The following EXOC6B variants were observed in gnomAD, a reference collection of about 807,000 sequenced individuals.
EXOC6B encodes the protein SEC15 homolog B.
Under a neutral mutation model 113.5 loss-of-function variants are expected in EXOC6B, and 54 were observed. That is an observed-to-expected ratio of 0.48 (90% CI 0.38 to 0.60). The LOEUF (loss-of-function observed/expected upper bound fraction) is 0.60, where lower values mean the gene tolerates loss of function less well. EXOC6B is among the 20% of genes least tolerant of loss of function. The probability of loss-of-function intolerance (pLI) is 0.00; values close to 1 mark genes in which losing one functional copy is unlikely to be tolerated. For missense variants in EXOC6B, 797 were observed against 977.5 expected, an observed-to-expected ratio of 0.82 and a Z score of 2.46; for synonymous variants, 357 against 339.0, an observed-to-expected ratio of 1.05 and a Z score of -0.58.
chr2:72,528,987 T>G (rs1701867374), intron 8 of EXOC6B, among the ~76,000 whole-genome samples: 1 of 152,114 alleles, frequency 6.6e-6, no homozygotes. Context: ...GCAGGTTATT[T>G]GCAAATAACA....
chr2:72,753,733 C>A (rs1682209430), intron 1 of EXOC6B, among the ~76,000 whole-genome samples: 1 of 152,100 alleles, frequency 6.6e-6, no homozygotes, highest in Non-Finnish European at 1.5e-5. Context: ...TCTGAATACT[C>A]CCCACATTCA....
intron 1 of EXOC6B, among the ~76,000 whole-genome samples, chr2:72,796,695 A>G (rs1186444939): frequency 6.6e-6 from 1 of 152,162 alleles, no homozygotes; most frequent in Non-Finnish European, 1.5e-5. Flanking sequence ...TTTAAAAAAA[A>G]AAAAATCTTC....
intron 8 of EXOC6B, among the ~76,000 whole-genome samples, chr2:72,517,031 A>G (rs1701247150): frequency 6.6e-6 from 1 of 152,186 alleles, no homozygotes. Context: ...GTCCTAAAAA[A>G]TTGGGAAAGT....
At chr2:72,398,154 GA>G (rs1478871461) in intron 18 of EXOC6B, among the ~76,000 whole-genome samples, 2 of 152,180 alleles carry the variant, frequency 1.3e-5, no homozygotes, top group East Asian at 3.8e-4. Context: ...CAAATTAACT[GA>G]ATGCCTGACT....
intron 20 of EXOC6B, among the ~76,000 whole-genome samples, chr2:72,237,327 T>C (rs1682027601): frequency 6.6e-6 from 1 of 152,218 alleles, no homozygotes; most frequent in African/African-American, 2.4e-5. Context: ...TGCTCATTGA[T>C]TTTTATCATT....
chr2:72,372,468 G>A (rs1249911240), intron 19 of EXOC6B, among the ~76,000 whole-genome samples: 2 of 152,108 alleles, frequency 1.3e-5, no homozygotes, highest in African/African-American at 4.8e-5. Context: ...CATTAAATCC[G>A]ACACACAGAC....
At chr2:72,804,163 T>C (rs936109658) in intron 1 of EXOC6B, among the ~76,000 whole-genome samples, 3 of 152,262 alleles carry the variant, frequency 2.0e-5, no homozygotes, top group Non-Finnish European at 4.4e-5. Context: ...GGAATGATAC[T>C]GCTTTCACTA....
intron 20 of EXOC6B, among the ~76,000 whole-genome samples, chr2:72,246,508 T>C (rs1335361494): frequency 1.7e-5 from 1 of 59,728 alleles, no homozygotes; most frequent in African/African-American, 2.5e-4. Context: ...AACTAATTGA[T>C]TTTTTTTTTT....
intron 20 of EXOC6B, among the ~76,000 whole-genome samples, chr2:72,260,706 G>T (rs538557017): frequency 6.6e-6 from 1 of 151,992 alleles, no homozygotes; most frequent in Non-Finnish European, 1.5e-5. Flanking sequence ...TGTAATAGCC[G>T]CAATTCTTGG....
rs1558631096 is a variant in EXOC6B, at chr2:72,401,603, GTGTA to G, written c.1981-21737_1981-21734del. Among the ~76,000 whole-genome samples, 25 of 15,494 alleles carry G rather than the reference GTGTA, an allele frequency of 1.6e-3. 1 individual carries two copies. The highest frequency in any genetic ancestry group is 6.0e-3 in the African/African-American group (23 of 3,836). 10.2% of individuals were successfully genotyped at this position (15,494 alleles called of 152,430 possible). A position where few individuals can be genotyped will look rare whatever the true frequency, so the allele number is the denominator to read the frequency against. On this transcript the variant is annotated intron_variant, in intron 18 of 21. Transcript: ENST00000272427. ...TATACATATATATATATATATATAT[GTGTA>G]TATATATATATATACATATATATAT... is the stretch of plus-strand genomic sequence containing the variant.
intron 20 of EXOC6B, among the ~76,000 whole-genome samples, chr2:72,264,020 A>G (rs966384679): frequency 2.0e-5 from 3 of 152,182 alleles, no homozygotes; most frequent in African/African-American, 7.2e-5. Context: ...ATGGCATAGG[A>G]CATTTTACTT....
chr2:72,585,585 CAAA>C (rs111607878), intron 6 of EXOC6B, among the ~76,000 whole-genome samples: 2 of 109,396 alleles, frequency 1.8e-5, no homozygotes, highest in Non-Finnish European at 1.9e-5. Flanking sequence ...CAACTGAGTG[CAAA>C]AAAAAAAAAA....
intron 15 of EXOC6B, among the ~76,000 whole-genome samples, chr2:72,492,726 T>C (rs1273015641): frequency 6.6e-6 from 1 of 151,940 alleles, no homozygotes; most frequent in Non-Finnish European, 1.5e-5. Flanking sequence ...CTGGCTTGCA[T>C]AGTTTCAGAA....
intron 20 of EXOC6B, among the ~76,000 whole-genome samples, chr2:72,297,674 T>C (rs1034348440): frequency 6.6e-6 from 1 of 152,222 alleles, no homozygotes; most frequent in Non-Finnish European, 1.5e-5. Flanking sequence ...CACACTGCTT[T>C]AGCTGTGTCC....
chr2:72,667,665 A>G (rs765129809), intron 6 of EXOC6B, among the ~76,000 whole-genome samples: 2 of 152,234 alleles, frequency 1.3e-5, no homozygotes, highest in Non-Finnish European at 2.9e-5. Flanking sequence ...ATAACTGGTT[A>G]CCCATATGCA....
At chr2:72,217,430 G>A (rs1267575112) in intron 20 of EXOC6B, among the ~76,000 whole-genome samples, 1 of 152,134 alleles carries the variant, frequency 6.6e-6, no homozygotes, top group Non-Finnish European at 1.5e-5. Context: ...CTGCTACACA[G>A]AGTCCCTCAG....
intron 20 of EXOC6B, among the ~76,000 whole-genome samples, chr2:72,227,925 T>C (rs1028847181): frequency 2.6e-5 from 4 of 152,198 alleles, no homozygotes; most frequent in Non-Finnish European, 2.9e-5. Flanking sequence ...CTAATGTTAT[T>C]CACCAGGCCA....
intron 18 of EXOC6B, among the ~76,000 whole-genome samples, chr2:72,383,999 G>A (rs1346073878): frequency 1.3e-5 from 2 of 152,036 alleles, no homozygotes; most frequent in African/African-American, 4.8e-5. Flanking sequence ...GCCTGCTTGA[G>A]GGTGGAAGAT....
At position 72,803,489 on chromosome 2, in the gene EXOC6B, C is replaced by T. The variant is rs918986985; in HGVS notation, c.113+22309G>A. Among the ~76,000 whole-genome samples the T allele has an allele frequency of 5.9e-5, 9 of 151,980 alleles. No homozygotes were observed. The East Asian group carries it at 1.2e-3, about 20-fold the overall frequency. Reference sequence around the variant, plus strand: ...AACATCCATATTAAGGCTTCATTTACGAAATTGTGAACAAACTAAACACAT... The same window carrying T: ...AACATCCATATTAAGGCTTCATTTATGAAATTGTGAACAAACTAAACACAT... On this transcript the variant is annotated intron_variant, in intron 1 of 21. Coordinates refer to ENST00000272427, the MANE Select transcript of EXOC6B (RefSeq NM_015189.3).
Sources: gnomAD v4.1 joint callset for allele counts (sites outside exome capture counted in the v4.1 genomes callset) on GRCh38, gnomAD v4.1.1 for gene constraint, MANE v1.5 for transcripts, NCBI Gene and HGNC (gene_info 2026-07-23, HGNC 2026-07-21) for gene names.